Variants in SNX14 observed in about 807,000 individuals in gnomAD.
SNX14 encodes sorting nexin-14.
In SNX14, 93 loss-of-function variants were observed where a neutral mutation model predicts 133.8. The observed-to-expected ratio is 0.70, with a 90% CI of 0.59 to 0.83. The LOEUF is 0.83. Among genes scored for constraint, SNX14 ranks in the 40% least tolerant of loss-of-function variants. The pLI, the probability that SNX14 is intolerant of heterozygous loss-of-function variation, is 0.00. For missense variants in SNX14, 945 were observed against 1,094.9 expected, an observed-to-expected ratio of 0.86 and a Z score of 1.93; for synonymous variants, 368 against 365.6, an observed-to-expected ratio of 1.01 and a Z score of -0.07.
At chr6:85,518,498 AT>A (rs1385229072) in intron 21 of SNX14, among the ~76,000 whole-genome samples, 1 of 152,192 alleles carries the variant, frequency 6.6e-6, no homozygotes, top group African/African-American at 2.4e-5. Flanking sequence ...AGTAGTTTAT[AT>A]TCTGAATTTT....
chr6:85,574,332 C>A lies in SNX14; in HGVS notation c.187G>T (p.Val63Phe), dbSNP rs374701268. The A allele has an allele frequency of 1.3e-6, 2 of 1,578,782 alleles. No homozygotes were observed. Among genetic ancestry groups the A allele is most frequent in the Admixed American group, 3.4e-5 (2 of 59,526 alleles). Residue 63 changes from valine to phenylalanine, a missense_variant, in exon 2 of 29, where the codon GTC becomes TTC. By Grantham distance (50) the Val-to-Phe change is conservative. Around this residue, in one of 3 missense-constraint regions of SNX14, gnomAD observed 514 missense variants for 538.8 expected, o/e 0.95. Transcript: ENST00000314673. Reference protein sequence around the residue: ...MIFWSFVAGVVTFYCSLGPDS... With the variant: ...MIFWSFVAGVFTFYCSLGPDS... ...GGTCCTAGTGAGCAGTAGAATGTGACAACTCCAGCAACAAATGACCAGAAG... is the reference window on the plus strand; with the variant it reads ...GGTCCTAGTGAGCAGTAGAATGTGAAAACTCCAGCAACAAATGACCAGAAG...
At position 85,547,523 on chromosome 6, in the gene SNX14, AGAT is replaced by A. The variant is rs1409477442; in HGVS notation, c.892_894del (p.Ile298del). 3.7e-6 allele frequency: 6 copies of A among 1,603,122 alleles called. No homozygotes were observed. The East Asian group carries it at 1.1e-4, about 30-fold the overall frequency. ...ATACTCACTGGACTGTCATCTATGA[AGAT>A]GATAAGCAAATGATTCACAGTATCC... On this transcript the variant is annotated inframe_deletion, in exon 10 of 29. Transcript: ENST00000314673.
chr6:85,533,477 A>G, intron 18 of SNX14, 122 bp downstream of exon 18: 1 of 865,350 alleles, frequency 1.2e-6, no homozygotes, highest in Non-Finnish European at 1.8e-6. Flanking sequence ...TGTTCTGGAC[A>G]CTTCTCTTTT....
intron 1 of SNX14, among the ~76,000 whole-genome samples, chr6:85,591,236 G>GTA (rs1554168033): frequency 7.2e-6 from 1 of 138,232 alleles, no homozygotes; most frequent in Non-Finnish European, 1.6e-5. Context: ...GTGTGTGTGT[G>GTA]TACGTGAATA....
intron 18 of SNX14, among the ~76,000 whole-genome samples, chr6:85,530,656 A>G (rs938514403): frequency 5.3e-5 from 8 of 151,876 alleles, no homozygotes; most frequent in African/African-American, 1.5e-4. Context: ...AAAAAAAAAA[A>G]AAAGAAAGAA....
intron 1 of SNX14, chr6:85,581,380 G>A (rs1331116239): frequency 2.6e-5 from 4 of 152,204 alleles, no homozygotes; most frequent in Non-Finnish European, 4.4e-5. Flanking sequence ...CCCAAGGACA[G>A]GAAACAAACA....
chr6:85,527,360 C>T (rs1167706479), intron 20 of SNX14, among the ~76,000 whole-genome samples: 2 of 150,442 alleles, frequency 1.3e-5, no homozygotes, highest in South Asian at 2.1e-4. Flanking sequence ...ATTTTCATAT[C>T]ACCAAAAATT....
intron 26 of SNX14, among the ~76,000 whole-genome samples, chr6:85,509,320 T>C (rs1051220175): frequency 6.6e-6 from 1 of 151,036 alleles, no homozygotes. Context: ...TAAGGGTCAT[T>C]ATATCAGAAA....
chr6:85,541,899 C>A, intron 15 of SNX14, 86 bp downstream of exon 15: 1 of 961,754 alleles, frequency 1.0e-6, no homozygotes. Context: ...ACCACATATT[C>A]ATTCAGAAAA....
intron 26 of SNX14, among the ~76,000 whole-genome samples, chr6:85,508,696 A>G (rs541906103): frequency 1.5e-4 from 23 of 152,290 alleles, no homozygotes; most frequent in Admixed American, 1.4e-3. Flanking sequence ...ATATTTAAAC[A>G]CTTATTTAGG....
chr6:85,566,298 C>G (rs574279628), intron 5 of SNX14, among the ~76,000 whole-genome samples: 1 of 152,222 alleles, frequency 6.6e-6, no homozygotes, highest in East Asian at 1.9e-4. Flanking sequence ...AACACAGAAC[C>G]AAATGTAAAT....
chr6:85,576,414 T>C (rs1797360166), intron 1 of SNX14, among the ~76,000 whole-genome samples: 1 of 152,152 alleles, frequency 6.6e-6, no homozygotes. Flanking sequence ...AGGCCAATCA[T>C]AGCATCTTCT....
At chr6:85,531,096 G>C (rs572286883) in intron 18 of SNX14, among the ~76,000 whole-genome samples, 1 of 152,290 alleles carries the variant, frequency 6.6e-6, no homozygotes, top group South Asian at 2.1e-4. Context: ...TGCAACTAAA[G>C]AACTGAAATT....
intron 7 of SNX14, among the ~76,000 whole-genome samples, chr6:85,554,009 G>T (rs1217329480): frequency 6.6e-6 from 1 of 152,074 alleles, no homozygotes; most frequent in Non-Finnish European, 1.5e-5. Flanking sequence ...ATTTTAAAGT[G>T]GGGGAAAACA....
chr6:85,557,901 CATATTT>C (rs1790260866), intron 7 of SNX14, 69 bp downstream of exon 7: 3 of 795,756 alleles, frequency 3.8e-6, no homozygotes, highest in Non-Finnish European at 6.6e-6. Flanking sequence ...AATCAGTACT[CATATTT>C]AGATATTTCG....
chr6:85,585,093 G>A (rs919793951), intron 1 of SNX14, among the ~76,000 whole-genome samples: 1 of 152,158 alleles, frequency 6.6e-6, no homozygotes, highest in African/African-American at 2.4e-5. Context: ...CAGGAACATG[G>A]ATGAAGCTGG....
At chr6:85,576,346 T>C (rs1038447137) in intron 1 of SNX14, among the ~76,000 whole-genome samples, 1 of 152,114 alleles carries the variant, frequency 6.6e-6, no homozygotes, top group African/African-American at 2.4e-5. Flanking sequence ...TAAGATTCTA[T>C]CTCCCTCACT....
rs767858097 is a variant in SNX14, at chr6:85,507,991, G to T, written c.2722C>A (p.Gln908Lys). 6.2e-7 allele frequency: 1 copy of T among 1,613,504 alleles called. No homozygotes were observed. The highest frequency in any genetic ancestry group is 2.2e-5 in the East Asian group (1 of 44,824). Residue 908 changes from glutamine (Q) to lysine (K), a missense_variant, in exon 27 of 29, where the codon CAG becomes AAG. Transcript: ENST00000314673. Reference protein sequence around the residue: ...ESIRLLFDGLQQPVLNKQLTY... With the variant: ...ESIRLLFDGLKQPVLNKQLTY... ...ACCTGCTTGTTGAGTACTGGTTGCTGTAAGCCATCAAACAGAAGTCTGATG... is the reference window on the plus strand; with the variant it reads ...ACCTGCTTGTTGAGTACTGGTTGCTTTAAGCCATCAAACAGAAGTCTGATG...
intron 12 of SNX14, among the ~76,000 whole-genome samples, chr6:85,544,525 G>GT (rs1478522906): frequency 1.3e-5 from 2 of 152,206 alleles, no homozygotes; most frequent in African/African-American, 2.4e-5. Context: ...AAGGTCAGGT[G>GT]TGGTGGCTCA....
Sources: gnomAD v4.1 joint callset for allele counts (sites outside exome capture counted in the v4.1 genomes callset) on GRCh38, gnomAD v4.1.1 for gene constraint, gnomAD v4.1.1 regional missense constraint, MANE v1.5 for transcripts, NCBI Gene and HGNC (gene_info 2026-07-23, HGNC 2026-07-21) for gene names.